Variants in EDEM1 observed in about 807,000 individuals in gnomAD.
The protein encoded by EDEM1 is ER degradation enhancing alpha-mannosidase like protein 1, also known as ER degradation-enhancing alpha-mannosidase-like protein 1.
EDEM1 carries 67 observed loss-of-function variants against 74.4 expected under a neutral mutation model. That is an observed-to-expected ratio of 0.90 (90% CI 0.74 to 1.10). EDEM1 has a LOEUF of 1.10. Ranked by LOEUF, EDEM1 falls within the 50% of genes least tolerant of loss-of-function variation. EDEM1 has a pLI of 0.00. For missense variants in EDEM1, 926 were observed against 851.6 expected (o/e 1.09, Z -1.09); for synonymous variants, 382 against 335.9 (o/e 1.14, Z -1.50).
intron 1 of EDEM1, among the ~76,000 whole-genome samples, chr3:5,192,035 G>T (rs964093160): frequency 6.6e-6 from 1 of 152,206 alleles, no homozygotes; most frequent in Non-Finnish European, 1.5e-5. Context: ...GGTACTACTA[G>T]CTCAAGATGG....
At chr3:5,211,241 A>G (rs772327832) in intron 10 of EDEM1, 25 bp downstream of exon 10, 3 of 1,602,964 alleles carry the variant, frequency 1.9e-6, no homozygotes, top group African/African-American at 2.7e-5. Flanking sequence ...AGATGAACCC[A>G]GGAATATTTA....
At position 5,188,051 on chromosome 3, in the gene EDEM1, C is replaced by A; in HGVS notation, c.246C>A (p.Ser82Arg). ...CGCCGGGGACCGGGGCAGCGCAGAG[C>A]CCGCGCAAGGCTCCGCGGCGTCCTG... ...LQPPGTGAAQSPRKAPRRPGP... is the reference protein window; with the variant it reads ...LQPPGTGAAQRPRKAPRRPGP... The change falls in exon 1 of 12, where the codon AGC (serine) becomes AGA (arginine). Residue 82 changes from serine to arginine, a missense_variant. Physicochemically the swap from Ser to Arg is moderately radical, Grantham distance 110. Coordinates refer to ENST00000256497, the MANE Select transcript of EDEM1 (RefSeq NM_014674.3). The A allele has an allele frequency of 2.8e-6, 4 of 1,435,802 alleles. No homozygotes were observed. The highest frequency in any genetic ancestry group is 2.7e-6 in the Non-Finnish European group (3 of 1,097,472). The allele number at this position is 1,435,802 out of a possible 1,614,324, so 88.9% of individuals were successfully genotyped here.
chr3:5,202,887 T>A lies in EDEM1; in HGVS notation c.859-79T>A, dbSNP rs907177572. The A allele has an allele frequency of 2.3e-6, 3 of 1,318,372 alleles. No homozygotes were observed. In the East Asian group the frequency reaches 7.1e-5, roughly 31 times the overall value. The allele number at this position is 1,318,372 out of a possible 1,614,324, so 81.7% of individuals were successfully genotyped here. Reference sequence around the variant, plus strand: ...TGGTAAGCTTGGTTTATTAGCTGAGTGTAGTCTCTGAGACCCGGCTTTTCA... The same window carrying A: ...TGGTAAGCTTGGTTTATTAGCTGAGAGTAGTCTCTGAGACCCGGCTTTTCA... On this transcript the variant is annotated intron_variant, in intron 4 of 11. Coordinates refer to ENST00000256497, the MANE Select transcript of EDEM1 (RefSeq NM_014674.3).
chr3:5,213,606 G>A, intron 11 of EDEM1, 84 bp downstream of exon 11: 1 of 1,312,360 alleles, frequency 7.6e-7, no homozygotes, highest in South Asian at 1.5e-5. Context: ...CTTCCTGACA[G>A]AAAATTGATG....
intron 1 of EDEM1, among the ~76,000 whole-genome samples, chr3:5,191,689 T>A (rs148858306): frequency 2.8e-4 from 42 of 152,214 alleles, no homozygotes; most frequent in African/African-American, 9.2e-4. Flanking sequence ...TCCAAACTTA[T>A]CTTGCCTCAA....
chr3:5,202,440 C>T (rs1219259656), intron 4 of EDEM1, among the ~76,000 whole-genome samples: 1 of 152,174 alleles, frequency 6.6e-6, no homozygotes, highest in Non-Finnish European at 1.5e-5. Flanking sequence ...ATCTGATTTG[C>T]CAAGCCCAGA....
rs1476781664 is a variant in EDEM1 at position 5,219,232 on chromosome 3, G to A, written c.*3314G>A. The A allele has an allele frequency of 2.0e-5, 3 of 152,136 alleles. No homozygotes were observed. Among genetic ancestry groups the A allele is most frequent in the Admixed American group, 1.3e-4 (2 of 15,260 alleles). The allele number at this position is 152,136 out of a possible 1,614,324, so 9.4% of individuals were successfully genotyped here. A position where few individuals can be genotyped will look rare whatever the true frequency, so the allele number is the denominator to read the frequency against. On this transcript the variant is annotated 3_prime_UTR_variant, in exon 12 of 12. Transcript: ENST00000256497. ...CTTTCTGCTTTCTGGAGGGCACCAG[G>A]GGCCTTTCTCTTTGATAAATTTTTT...
intron 11 of EDEM1, among the ~76,000 whole-genome samples, chr3:5,214,552 C>T (rs569223113): frequency 3.9e-5 from 6 of 152,310 alleles, no homozygotes; most frequent in African/African-American, 1.4e-4. Flanking sequence ...GAGTTAATAA[C>T]AGCCAGCATT....
intron 1 of EDEM1, among the ~76,000 whole-genome samples, chr3:5,189,202 A>G (rs1224035340): frequency 6.6e-6 from 1 of 151,994 alleles, no homozygotes; most frequent in African/African-American, 2.4e-5. Flanking sequence ...GTTAGTCCAA[A>G]TAGTTGACTC....
In EDEM1 at chr3:5,201,831, C is replaced by A; in HGVS notation, c.765C>A (p.Asp255Glu). Residue 255 changes from aspartate (D) to glutamate (E), a missense_variant, in exon 4 of 12, where the codon GAC becomes GAA. Transcript: ENST00000256497. ...CCTTTGGTGACATGACAATTAAGGA[C>A]TATGATAATGAGTTGTTATACATGG... The part of the protein sequence containing the change: ...KQPFGDMTIK[D>E]YDNELLYMAH... 6.2e-7 allele frequency: 1 copy of A among 1,614,186 alleles called. No individual in the cohort carries two copies. Among genetic ancestry groups the A allele is most frequent in the East Asian group, 2.2e-5 (1 of 44,884 alleles).
At chr3:5,211,844 T>C (rs2055172413) in intron 10 of EDEM1, among the ~76,000 whole-genome samples, 1 of 152,206 alleles carries the variant, frequency 6.6e-6, no homozygotes, top group South Asian at 2.1e-4. Context: ...GTGTGAACTG[T>C]GGTCCTGACT....
chr3:5,215,584 A>T (rs1038157852), intron 11 of EDEM1, among the ~76,000 whole-genome samples: 1 of 152,176 alleles, frequency 6.6e-6, no homozygotes, highest in Non-Finnish European at 1.5e-5. Flanking sequence ...CTCAGGGAAC[A>T]TTGGAACAGC....
chr3:5,197,670 TGAA>T (rs2054986147), intron 2 of EDEM1, among the ~76,000 whole-genome samples: 1 of 152,220 alleles, frequency 6.6e-6, no homozygotes, highest in African/African-American at 2.4e-5. Flanking sequence ...TTACTTCTGT[TGAA>T]GTTTTCCTTT....
At chr3:5,189,884 C>T (rs769355769) in intron 1 of EDEM1, among the ~76,000 whole-genome samples, 3 of 152,238 alleles carry the variant, frequency 2.0e-5, no homozygotes, top group Non-Finnish European at 2.9e-5. Context: ...CAGGCGTGAG[C>T]CACCGCTCCC....
At chr3:5,199,886 C>T (rs1014097365) in intron 3 of EDEM1, among the ~76,000 whole-genome samples, 191 bp downstream of exon 3, 6 of 151,584 alleles carry the variant, frequency 4.0e-5, no homozygotes, top group East Asian at 1.9e-4. Context: ...AATCACATTC[C>T]GGACTGAAGG....
intron 5 of EDEM1, among the ~76,000 whole-genome samples, chr3:5,203,615 AATT>A (rs928768748): frequency 1.3e-5 from 2 of 152,216 alleles, no homozygotes; most frequent in Admixed American, 6.5e-5. Flanking sequence ...GTTACTTAAA[AATT>A]ATTATGGAAA....
chr3:5,188,691 A>C (rs2106582364), intron 1 of EDEM1, among the ~76,000 whole-genome samples: 1 of 152,278 alleles, frequency 6.6e-6, no homozygotes, highest in East Asian at 1.9e-4. Flanking sequence ...ACTCTAAATG[A>C]AATCTCCATC....
At chr3:5,215,014 G>T (rs74603779) in intron 11 of EDEM1, among the ~76,000 whole-genome samples, 1 of 152,154 alleles carries the variant, frequency 6.6e-6, no homozygotes, top group Non-Finnish European at 1.5e-5. Context: ...ATGAAAAGGG[G>T]TATCCCAGAA....
Position 5,205,126 on chromosome 3 carries a change from G to A in EDEM1, c.1102G>A (p.Gly368Arg), listed in dbSNP as rs2055080084. 10 of 1,614,070 alleles carry A rather than the reference G, an allele frequency of 6.2e-6. No individual in the cohort carries two copies. Among genetic ancestry groups the A allele is most frequent in the Non-Finnish European group, 8.5e-6 (10 of 1,180,030 alleles). Residue 368 changes from glycine (G) to arginine (R), a missense_variant, in exon 6 of 12, where the codon GGG becomes AGG. Gly to Arg is a moderately radical substitution (Grantham distance 125, BLOSUM62 -2). Coordinates refer to ENST00000256497, the MANE Select transcript of EDEM1 (RefSeq NM_014674.3). ...TGGAAAGCAGAGTGGCCTGGGTGCC[G>A]GGCTGGACTCCTTCTATGAATACCT... The part of the protein sequence containing the change: ...WVGKQSGLGA[G>R]LDSFYEYLLK...
Sources: gnomAD v4.1 joint callset for allele counts (sites outside exome capture counted in the v4.1 genomes callset) on GRCh38, gnomAD v4.1.1 for gene constraint, MANE v1.5 for transcripts, NCBI Gene and HGNC (gene_info 2026-07-23, HGNC 2026-07-21) for gene names.